TNN: variants seen among roughly 807,000 people sequenced by gnomAD.
The protein encoded by TNN is tenascin N.
Under a neutral mutation model 134.4 loss-of-function variants are expected in TNN, and 122 were observed. The ratio of observed to expected loss-of-function variants is 0.91; its 90% CI spans 0.78 to 1.06. The LOEUF (loss-of-function observed/expected upper bound fraction) is 1.06, where lower values mean the gene tolerates loss of function less well. Ranked by LOEUF, TNN falls within the 50% of genes least tolerant of loss-of-function variation. The probability of loss-of-function intolerance (pLI) is 0.00; values close to 1 mark genes in which losing one functional copy is unlikely to be tolerated. For missense variants in TNN, 1,739 were observed against 1,699.4 expected (o/e 1.02, Z -0.41); for synonymous variants, 710 against 670.3 (o/e 1.06, Z -0.91).
intron 1 of TNN, among the ~76,000 whole-genome samples, chr1:175,074,207 G>T (rs1388287127): frequency 1.3e-5 from 2 of 152,166 alleles, no homozygotes; most frequent in Non-Finnish European, 2.9e-5. Context: ...GCACGGCCAG[G>T]TGTAGTGGCT....
In TNN at chr1:175,086,517, G is replaced by A. The variant is rs186405098; in HGVS notation, c.1324+1023G>A. ...TGTGATCTAGAACATAGTGCCATTC[G>A]GGGAGACTAATCCTTGGAGCTGGTA... On this transcript the variant is annotated intron_variant, in intron 6 of 18. Coordinates refer to ENST00000239462, the MANE Select transcript of TNN (RefSeq NM_022093.2). Among the ~76,000 whole-genome samples, 163 of 152,278 alleles carry A rather than the reference G, an allele frequency of 1.1e-3. 1 individual carries two copies. The highest frequency in any genetic ancestry group is 2.3e-3 in the Admixed American group (35 of 15,296).
chr1:175,099,139 T>G (rs948756605), intron 9 of TNN, among the ~76,000 whole-genome samples: 2 of 152,220 alleles, frequency 1.3e-5, no homozygotes, highest in Non-Finnish European at 2.9e-5. Flanking sequence ...CTTCCCTACA[T>G]GAAATCTTCT....
At position 175,079,730 on chromosome 1, in the gene TNN, G is replaced by A. The variant is rs201382504; in HGVS notation, c.784+23G>A. On this transcript the variant is annotated intron_variant, in intron 3 of 18. Transcript: ENST00000239462. ...AGGGTGAGAGCGGAGATGTGCCCTC[G>A]GGCCGCCGGACTCTTCTTTCCAATG... 9.1e-5 allele frequency: 142 copies of A among 1,552,528 alleles called. 1 individual carries two copies. The highest frequency in any genetic ancestry group is 4.5e-4 in the South Asian group (37 of 82,608).
Position 175,083,808 on chromosome 1 carries a change from G to A in TNN, c.1107G>A (p.Val369=). The A allele has an allele frequency of 1.2e-6, 2 of 1,614,204 alleles. No homozygotes were observed. The highest frequency in any genetic ancestry group is 2.2e-5 in the South Asian group (2 of 91,078). Residue 369 remains valine, a synonymous_variant, in exon 5 of 19, where the codon GTG becomes GTA. Transcript: ENST00000239462. ...ATGAGACTGAGAACTCCCTTGACGT[G>A]GAGTGGGAAAACCCCTCAACTGAGG... ...VTDETENSLD[V]EWENPSTEVD... is the part of the protein sequence containing the mutation.
chr1:175,080,383 G>A lies in TNN; in HGVS notation c.1005G>A (p.Lys335=). ...ACATAGTCACCCTGCGTAACGTCAA[G>A]AATGAAGTTTCTAGCAGCCCACAGC... ...TKYIVTLRNV[K]NEVSSSPQHL... Residue 335 remains lysine (K), a synonymous_variant, in exon 4 of 19, where the codon AAG becomes AAA. Transcript: ENST00000239462. The A allele has an allele frequency of 6.2e-7, 1 of 1,614,132 alleles. No homozygotes were observed. Among genetic ancestry groups the A allele is most frequent in the Non-Finnish European group, 8.5e-7 (1 of 1,180,014 alleles).
At position 175,147,158 on chromosome 1, in the gene TNN, T is replaced by A; in HGVS notation, c.*87T>A. 7.9e-7 allele frequency: 1 copy of A among 1,272,866 alleles called. No individual in the cohort carries two copies. The allele number at this position is 1,272,866 out of a possible 1,614,324, so 78.8% of individuals were successfully genotyped here. A position where few individuals can be genotyped will look rare whatever the true frequency, so the allele number is the denominator to read the frequency against. On this transcript the variant is annotated 3_prime_UTR_variant, in exon 19 of 19. Transcript: ENST00000239462. The stretch of plus-strand genomic sequence containing the variant: ...GGTAGTGGTCACTGCGGTCTGGGAG[T>A]GCTCAGATAGCCCGCAGAACAAATC...
chr1:175,093,841 G>A, intron 6 of TNN, 149 bp from the exon 7 acceptor site: 1 of 720,942 alleles, frequency 1.4e-6, no homozygotes, highest in East Asian at 2.7e-5. Flanking sequence ...GAAGCCAGTT[G>A]TCCACTTGTC....
At chr1:175,136,733 A>T (rs2101851124) in intron 16 of TNN, 88 bp from the exon 17 acceptor site, 1 of 1,262,560 alleles carries the variant, frequency 7.9e-7, no homozygotes, top group Non-Finnish European at 1.1e-6. Context: ...AAGTGACTTT[A>T]GGTTCTGAAA....
intron 6 of TNN, among the ~76,000 whole-genome samples, chr1:175,092,252 A>G (rs1369464770): frequency 6.6e-6 from 1 of 152,078 alleles, no homozygotes; most frequent in Admixed American, 6.6e-5. Flanking sequence ...ATGGGGAGAG[A>G]GTTCTCTCTA....
At chr1:175,141,402 G>T (rs568011228) in intron 17 of TNN, among the ~76,000 whole-genome samples, 1 of 152,202 alleles carries the variant, frequency 6.6e-6, no homozygotes, top group Admixed American at 6.5e-5. Context: ...CCCAACCTGG[G>T]GGCATTTGGA....
At chr1:175,104,379 C>T (rs767413252) in intron 9 of TNN, among the ~76,000 whole-genome samples, 1 of 145,986 alleles carries the variant, frequency 6.8e-6, no homozygotes, top group African/African-American at 2.5e-5. Flanking sequence ...GCTTCTAACC[C>T]AGGGAACCTT....
At chr1:175,145,971 G>A (rs146003029) in intron 18 of TNN, among the ~76,000 whole-genome samples, 38 of 152,252 alleles carry the variant, frequency 2.5e-4, no homozygotes, top group African/African-American at 8.7e-4. Context: ...TAAGCCTCCA[G>A]GAAGCCACCT....
chr1:175,100,871 T>A (rs1411017412), intron 9 of TNN, among the ~76,000 whole-genome samples: 2 of 152,192 alleles, frequency 1.3e-5, no homozygotes, highest in African/African-American at 2.4e-5. Flanking sequence ...GTTTCTTTTT[T>A]AAAAAAATTG....
In TNN at chr1:175,126,958, T is replaced by C; in HGVS notation, c.2918T>C (p.Leu973Pro). ...KKADTKAQTELDPPRNLRPSA... is the reference protein window; with the variant it reads ...KKADTKAQTEPDPPRNLRPSA... The stretch of plus-strand genomic sequence containing the variant: ...TTACCTGACTTTCTACGTACAGAAC[T>C]CGACCCTCCCAGAAACCTTCGTCCA... Residue 973 changes from leucine (L) to proline (P), a missense_variant, in exon 13 of 19, where the codon CTC becomes CCC. Transcript: ENST00000239462. The C allele has an allele frequency of 6.2e-7, 1 of 1,611,048 alleles. No individual in the cohort carries two copies. Among genetic ancestry groups the C allele is most frequent in the Non-Finnish European group, 8.5e-7 (1 of 1,179,152 alleles).
intron 9 of TNN, among the ~76,000 whole-genome samples, chr1:175,115,672 A>G (rs1368819282): frequency 6.6e-6 from 1 of 152,066 alleles, no homozygotes; most frequent in African/African-American, 2.4e-5. Context: ...CAGTTCCAAG[A>G]CACCAAGACG....
Position 175,117,356 on chromosome 1 carries a change from C to G in TNN, c.2386+151C>G, listed in dbSNP as rs1675212872. The G allele has an allele frequency of 1.6e-5, 22 of 1,339,728 alleles. No homozygotes were observed. The East Asian group carries it at 5.2e-4, about 32-fold the overall frequency. The allele number at this position is 1,339,728 out of a possible 1,614,324, so 83.0% of individuals were successfully genotyped here. ...TCATAACAGATTGCACACACCATCC[C>G]TCATTTTCCTTTAACTAGTTTCCTT... On this transcript the variant is annotated intron_variant, in intron 10 of 18. Transcript: ENST00000239462.
chr1:175,093,454 A>G lies in TNN; in HGVS notation c.1325-536A>G, dbSNP rs565166630. Reference sequence around the variant, plus strand: ...TAAATGTCATTACATTCCCTGACACATAATGGATGTTCAGTGAAGTGCTGT... The same window carrying G: ...TAAATGTCATTACATTCCCTGACACGTAATGGATGTTCAGTGAAGTGCTGT... On this transcript the variant is annotated intron_variant, in intron 6 of 18. Transcript: ENST00000239462. 3.3e-5 allele frequency among the ~76,000 whole-genome samples: 5 copies of G among 152,324 alleles called. No homozygotes were observed. The South Asian group carries it at 6.2e-4, about 19-fold the overall frequency.
intron 1 of TNN, among the ~76,000 whole-genome samples, chr1:175,072,854 A>G (rs774205296): frequency 6.7e-5 from 10 of 150,282 alleles, no homozygotes; most frequent in African/African-American, 9.8e-5. Context: ...CTCATATTCC[A>G]GGCTACAAAA....
At chr1:175,108,826 C>T (rs920096572) in intron 9 of TNN, among the ~76,000 whole-genome samples, 13 of 145,882 alleles carry the variant, frequency 8.9e-5, no homozygotes, top group South Asian at 4.3e-4. Context: ...CCCTGGTTCC[C>T]GCTCACGCCT....
Sources: allele counts gnomAD v4.1 joint callset (sites outside exome capture counted in the v4.1 genomes callset), GRCh38; gene constraint gnomAD v4.1.1; transcripts MANE v1.5; gene names NCBI Gene and HGNC (gene_info 2026-07-23, HGNC 2026-07-21).